RTN4RL2: variants seen among roughly 807,000 people sequenced by gnomAD.
The protein encoded by RTN4RL2 is reticulon 4 receptor like 2, also known as reticulon-4 receptor-like 2.
RTN4RL2 carries 9 observed loss-of-function variants against 27.8 expected under a neutral mutation model. The observed-to-expected ratio is 0.32, with a 90% confidence interval of 0.20 to 0.57. The LOEUF is 0.57. Among genes scored for constraint, RTN4RL2 ranks in the 20% least tolerant of loss-of-function variants. RTN4RL2 has a pLI of 0.90. For missense variants in RTN4RL2, 436 were observed against 596.8 expected (o/e 0.73, Z 2.81); for synonymous variants, 285 against 297.9 (o/e 0.96, Z 0.45).
chr11:57,465,099 C>T (rs758858798), intron 1 of RTN4RL2, among the ~76,000 whole-genome samples: 2 of 152,180 alleles, frequency 1.3e-5, no homozygotes, highest in East Asian at 1.9e-4. Context: ...GGCCCAAAAG[C>T]GAGGAGCAGC....
In RTN4RL2 at chr11:57,476,772, G is replaced by A. The variant is rs1407786365; in HGVS notation, c.1124G>A (p.Gly375Glu). 4 of 1,484,268 alleles carry A rather than the reference G, an allele frequency of 2.7e-6. No homozygotes were observed. Among genetic ancestry groups the A allele is most frequent in the African/African-American group, 2.9e-5 (2 of 68,096 alleles). 91.9% of individuals were successfully genotyped at this position (1,484,268 alleles called of 1,614,324 possible). A position where few individuals can be genotyped will look rare whatever the true frequency, so the allele number is the denominator to read the frequency against. The change falls in exon 3 of 3, where the codon GGG (glycine) becomes GAG (glutamate). Residue 375 changes from glycine (G) to glutamate (E), a missense_variant. Gly to Glu is a moderately conservative substitution (Grantham distance 98). This residue lies in a region of RTN4RL2 where 60 missense variants were observed against 43.0 expected (regional missense o/e 1.40). Transcript: ENST00000335099. The surrounding 1 kb of genome is among the most constrained non-coding windows in gnomAD (Gnocchi z 8.2). ...PTEDDYWGGY[G>E]GEDQRGEQMC... The stretch of plus-strand genomic sequence containing the variant: ...GAGGACGACTACTGGGGGGGCTACG[G>A]GGGTGAGGACCAGCGAGGGGAGCAG...
In RTN4RL2 at chr11:57,467,242, G is replaced by C. The variant is rs1943533059; in HGVS notation, c.32-367G>C. ...ATTTTTTCCCCTGAAACAGGGTCTT[G>C]TTGTGTTGCCCAGGCTGGAGTGCAA... On this transcript the variant is annotated intron_variant, in intron 1 of 2. Transcript: ENST00000335099. This position sits in a 1 kb window ranked among gnomAD's most constrained non-coding sequence, Gnocchi z 5.5. 1.3e-5 allele frequency among the ~76,000 whole-genome samples: 2 copies of C among 151,672 alleles called. No individual in the cohort carries two copies. The highest frequency in any genetic ancestry group is 4.9e-5 in the African/African-American group (2 of 41,014).
intron 1 of RTN4RL2, among the ~76,000 whole-genome samples, chr11:57,466,145 C>G (rs1026634223): frequency 6.6e-6 from 1 of 151,710 alleles, no homozygotes. Context: ...GGACTACAGG[C>G]GCCCGCCACC....
chr11:57,474,823 G>A (rs1364317265), intron 2 of RTN4RL2, among the ~76,000 whole-genome samples: 5 of 152,146 alleles, frequency 3.3e-5, no homozygotes, highest in Admixed American at 1.3e-4. Context: ...CACACCCGCC[G>A]CCCCCCGCTG....
At chr11:57,464,566 C>G (rs1302155181) in intron 1 of RTN4RL2, among the ~76,000 whole-genome samples, 1 of 152,176 alleles carries the variant, frequency 6.6e-6, no homozygotes, top group Non-Finnish European at 1.5e-5. Flanking sequence ...AGTGCCCTGG[C>G]TGGGCATCAA....
chr11:57,462,747 G>A (rs1311975886), intron 1 of RTN4RL2, among the ~76,000 whole-genome samples: 12 of 152,202 alleles, frequency 7.9e-5, no homozygotes, highest in East Asian at 3.8e-4. Context: ...TCAGCCTTCC[G>A]GGATCAATAC....
Position 57,467,552 on chromosome 11 carries a change from AGC to A in RTN4RL2, c.32-56_32-55del, listed in dbSNP as rs1943535031. 1.9e-6 allele frequency: 3 copies of A among 1,545,100 alleles called. No homozygotes were observed. Among genetic ancestry groups the A allele is most frequent in the Non-Finnish European group, 2.6e-6 (3 of 1,147,750 alleles). On this transcript the variant is annotated intron_variant, in intron 1 of 2. Transcript: ENST00000335099. This position sits in a 1 kb window ranked among gnomAD's most constrained non-coding sequence, Gnocchi z 5.5. ...TTACCAAGTTGGGGGGCTGGCCCCC[AGC>A]TGGCACTCCTGCCCTGGAAGCCCAC...
chr11:57,477,183 G>A lies in RTN4RL2; in HGVS notation c.*272G>A, dbSNP rs1259489537. On this transcript the variant is annotated 3_prime_UTR_variant, in exon 3 of 3. Transcript: ENST00000335099. ...CTCTTCCCCATCCCAAGGCTGGGGT[G>A]GGGCCCCCCAGGCAGCCGCTGACCC... The A allele has an allele frequency of 1.0e-5, 4 of 386,890 alleles. No homozygotes were observed. The East Asian group carries it at 1.6e-4, about 15-fold the overall frequency. The allele number at this position is 386,890 out of a possible 1,614,324, so 24.0% of individuals were successfully genotyped here.
At chr11:57,472,674 G>A (rs147385972) in intron 2 of RTN4RL2, among the ~76,000 whole-genome samples, 2 of 152,336 alleles carry the variant, frequency 1.3e-5, no homozygotes, top group African/African-American at 4.8e-5. Flanking sequence ...ACCTTGGCGA[G>A]CAGGGGTTGT....
Position 57,467,618 on chromosome 11 carries a change from C to G in RTN4RL2, c.41C>G (p.Ser14Trp), listed in dbSNP as rs752358481. 1.2e-6 allele frequency: 2 copies of G among 1,605,908 alleles called. No individual in the cohort carries two copies. The highest frequency in any genetic ancestry group is 2.2e-5 in the East Asian group (1 of 44,774). The change falls in exon 2 of 3, where the codon TCG becomes TGG. Residue 14 changes from serine to tryptophan, a missense_variant. By Grantham distance (177) the Ser-to-Trp change is radical (BLOSUM62 -3). Coordinates refer to ENST00000335099, the MANE Select transcript of RTN4RL2 (RefSeq NM_178570.3). The surrounding 1 kb of genome is among the most constrained non-coding windows in gnomAD (Gnocchi z 5.5). ...GLRRLLQAPA[S>W]ACLLLMLLAL... ...CTTCCCCTCCCCACAGCTCCCGCCT[C>G]GGCCTGCCTCCTGCTGATGCTCCTG...
In RTN4RL2 at chr11:57,460,867, TGCTGCCCGG is replaced by T; in HGVS notation, c.6_14del (p.ProGlyLeu3_?5). 1 of 1,409,708 alleles carries T rather than the reference TGCTGCCCGG, an allele frequency of 7.1e-7. No homozygotes were observed. Among genetic ancestry groups the T allele is most frequent in the Non-Finnish European group, 9.4e-7 (1 of 1,067,998 alleles). 87.3% of individuals were successfully genotyped at this position (1,409,708 alleles called of 1,614,324 possible). A position where few individuals can be genotyped will look rare whatever the true frequency, so the allele number is the denominator to read the frequency against. ...CCCTCCCCCGAGCATCGAGACAAGA[TGCTGCCCGG>T]GCTCAGGCGCCTGCTGCAAGGTAAG... On this transcript the variant is annotated start_lost and inframe_deletion, in exon 1 of 3. Transcript: ENST00000335099.
intron 2 of RTN4RL2, among the ~76,000 whole-genome samples, chr11:57,470,410 G>T (rs913895595): frequency 1.3e-5 from 2 of 152,082 alleles, no homozygotes; most frequent in Admixed American, 6.6e-5. Context: ...ACTACACCCA[G>T]CTATTTTTTG....
intron 1 of RTN4RL2, among the ~76,000 whole-genome samples, chr11:57,463,474 C>T (rs187897294): frequency 1.3e-5 from 2 of 152,128 alleles, no homozygotes; most frequent in East Asian, 3.9e-4. Context: ...ACAATGAAGG[C>T]GAGCTGTAGA....
intron 2 of RTN4RL2, among the ~76,000 whole-genome samples, chr11:57,473,975 C>T (rs901520868): frequency 5.9e-5 from 9 of 152,064 alleles, no homozygotes; most frequent in Admixed American, 5.9e-4. Context: ...CCCCAACCCC[C>T]GGCCCCTTAT....
At chr11:57,464,670 A>T (rs550408517) in intron 1 of RTN4RL2, among the ~76,000 whole-genome samples, 15 of 152,274 alleles carry the variant, frequency 9.9e-5, no homozygotes, top group East Asian at 7.7e-4. Flanking sequence ...ACCTCAGTAG[A>T]ACTGATGCTT....
chr11:57,471,917 G>A (rs1364915287), intron 2 of RTN4RL2, among the ~76,000 whole-genome samples: 1 of 151,972 alleles, frequency 6.6e-6, no homozygotes, highest in Non-Finnish European at 1.5e-5. Flanking sequence ...GGAGTGCAGT[G>A]GCACGATCTC....
rs756340815 is a variant in RTN4RL2 at position 57,467,664 on chromosome 11, C to T, written c.87C>T (p.Pro29=). 4.3e-6 allele frequency: 7 copies of T among 1,611,368 alleles called. No homozygotes were observed. Among genetic ancestry groups the T allele is most frequent in the Admixed American group, 1.7e-5 (1 of 59,996 alleles). Residue 29 remains proline (P), a synonymous_variant, in exon 2 of 3, where the codon CCC becomes CCT. Transcript: ENST00000335099. This position sits in a 1 kb window ranked among gnomAD's most constrained non-coding sequence, Gnocchi z 5.5. ...TCCTGGCCCTGCCCCTGGCGGCCCC[C>T]AGCTGCCCCATGCTCTGCACCTGCT... ...LMLLALPLAA[P]SCPMLCTCYS...
intron 1 of RTN4RL2, among the ~76,000 whole-genome samples, chr11:57,464,812 G>A (rs1431138057): frequency 6.6e-6 from 1 of 152,188 alleles, no homozygotes; most frequent in Admixed American, 6.5e-5. Context: ...GTTCAGATGA[G>A]GGGTGAGAGA....
At position 57,475,761 on chromosome 11, in the gene RTN4RL2, C is replaced by G. The variant is rs558760931; in HGVS notation, c.514-401C>G. ...ATCAGAAAGGCTGGCTCCCCAGTCT[C>G]CATACTTCACCAAACCAGAAGTTCT... On this transcript the variant is annotated intron_variant, in intron 2 of 2. Transcript: ENST00000335099. Among the ~76,000 whole-genome samples, 6 of 151,588 alleles carry G rather than the reference C, an allele frequency of 4.0e-5. No homozygotes were observed. The East Asian group carries it at 1.2e-3, about 29-fold the overall frequency.
Sources: gnomAD v4.1 joint callset for allele counts (sites outside exome capture counted in the v4.1 genomes callset) on GRCh38, gnomAD v4.1.1 for gene constraint, gnomAD v4.1.1 regional missense constraint, Gnocchi (gnomAD v3.1) non-coding constraint, MANE v1.5 for transcripts, NCBI Gene and HGNC (gene_info 2026-07-23, HGNC 2026-07-21) for gene names.